Variants in MYO10 observed in about 807,000 individuals in gnomAD.
MYO10 encodes myosin X, also known as unconventional myosin-X.
In MYO10, 133 loss-of-function variants were observed where a neutral mutation model predicts 257.3. The observed-to-expected ratio is 0.52, with a 90% CI of 0.45 to 0.60. MYO10 has a LOEUF of 0.60. Among genes scored for constraint, MYO10 ranks in the 20% least tolerant of loss-of-function variants. The pLI is 0.00. For missense variants in MYO10, 2,399 were observed against 2,635.7 expected, an observed-to-expected ratio of 0.91 and a Z score of 1.97; for synonymous variants, 1,104 against 1,028.6, an observed-to-expected ratio of 1.07 and a Z score of -1.40.
At chr5:16,684,725 G>GTGTA (rs1218151256) in intron 29 of MYO10, among the ~76,000 whole-genome samples, 1 of 151,954 alleles carries the variant, frequency 6.6e-6, no homozygotes, top group Non-Finnish European at 1.5e-5. Flanking sequence ...TTGTAACTTT[G>GTGTA]TGTCTGGGAT....
In MYO10 at chr5:16,701,688, T is replaced by G. The variant is rs367547495; in HGVS notation, c.2707A>C (p.Met903Leu). ...AGCGACAGCTCCTGCTGCTCCTTCA[T>G]GCGCTGCAGGTCCTCGATTTCTTTC... ...LEKEIEDLQR[M>L]KEQQELSLTE... is the part of the protein sequence containing the mutation. Residue 903 changes from methionine to leucine, a missense_variant, in exon 25 of 41, where the codon ATG becomes CTG. Transcript: ENST00000513610. The surrounding 1 kb of genome is among the most constrained non-coding windows in gnomAD (Gnocchi z 8.1). The G allele has an allele frequency of 5.0e-6, 8 of 1,614,002 alleles. No homozygotes were observed. In the South Asian group the frequency reaches 7.7e-5, roughly 16 times the overall value.
chr5:16,699,389 C>A, intron 26 of MYO10, 61 bp downstream of exon 26: 1 of 1,573,666 alleles, frequency 6.4e-7, no homozygotes, highest in Non-Finnish European at 8.6e-7. Flanking sequence ...ATCCATCAGC[C>A]CGGATAAAAT....
chr5:16,745,565 T>C (rs1740169119), intron 19 of MYO10, among the ~76,000 whole-genome samples: 1 of 151,976 alleles, frequency 6.6e-6, no homozygotes, highest in South Asian at 2.1e-4. Context: ...GGTGTATGCC[T>C]GTACTCCCAG....
At chr5:16,738,440 A>G (rs1205676096) in intron 19 of MYO10, 2 of 983,970 alleles carry the variant, frequency 2.0e-6, no homozygotes, top group East Asian at 2.3e-4. Flanking sequence ...CTCTTTTTGG[A>G]AATGTTTAGC....
intron 2 of MYO10, among the ~76,000 whole-genome samples, chr5:16,844,791 G>C (rs747853517): frequency 5.2e-5 from 7 of 135,448 alleles, no homozygotes; most frequent in Non-Finnish European, 9.2e-5. Flanking sequence ...TTTAAATCAA[G>C]ATCTGCAGAA....
intron 3 of MYO10, chr5:16,815,193 ATG>A: frequency 2.3e-6 from 1 of 426,896 alleles, no homozygotes; most frequent in Non-Finnish European, 4.1e-6. Flanking sequence ...TTTTTCTCTA[ATG>A]ACAGCAAAGT....
intron 19 of MYO10, among the ~76,000 whole-genome samples, chr5:16,753,252 C>T (rs181687403): frequency 4.6e-5 from 7 of 152,028 alleles, no homozygotes; most frequent in Non-Finnish European, 8.8e-5. Flanking sequence ...CTGCAAGCTC[C>T]GCCTCCCGGG....
intron 17 of MYO10, 40 bp downstream of exon 17, chr5:16,761,424 T>C: frequency 6.8e-7 from 1 of 1,466,776 alleles, no homozygotes; most frequent in South Asian, 1.1e-5. Context: ...CAAATATTCA[T>C]TTGCTTGCTA....
At chr5:16,718,286 C>T (rs904907724) in intron 19 of MYO10, among the ~76,000 whole-genome samples, 2 of 152,254 alleles carry the variant, frequency 1.3e-5, no homozygotes, top group African/African-American at 2.4e-5. Context: ...AGCACCGCCC[C>T]CTGCTCCACG....
rs542939589 is a variant in MYO10, at chr5:16,782,341, C to T, written c.603-512G>A. ...TTTTAGGCTTTGCAGACCACGGGATCTCGGTTGCAACTACTCAGCTCTGCC... is the reference window on the plus strand; with the variant it reads ...TTTTAGGCTTTGCAGACCACGGGATTTCGGTTGCAACTACTCAGCTCTGCC... On this transcript the variant is annotated intron_variant, in intron 5 of 40. Coordinates refer to ENST00000513610, the MANE Select transcript of MYO10 (RefSeq NM_012334.3). 5.3e-5 allele frequency among the ~76,000 whole-genome samples: 8 copies of T among 152,286 alleles called. 1 individual carries two copies. The South Asian group carries it at 1.7e-3, about 32-fold the overall frequency.
chr5:16,883,344 T>A (rs1476832549), intron 1 of MYO10, among the ~76,000 whole-genome samples: 1 of 152,108 alleles, frequency 6.6e-6, no homozygotes, highest in Non-Finnish European at 1.5e-5. Flanking sequence ...GAGAAACATA[T>A]CAAAACCACC....
At chr5:16,765,817 C>G (rs544738771) in intron 11 of MYO10, among the ~76,000 whole-genome samples, 3 of 152,268 alleles carry the variant, frequency 2.0e-5, no homozygotes, top group Middle Eastern at 3.4e-3. Context: ...GGGTCAAGTT[C>G]AAAGTCAGGC....
chr5:16,722,827 T>C (rs759523487), intron 19 of MYO10, among the ~76,000 whole-genome samples: 1 of 152,306 alleles, frequency 6.6e-6, no homozygotes, highest in African/African-American at 2.4e-5. Flanking sequence ...AAAATAGATG[T>C]GTAGGATTTC....
At chr5:16,669,456 G>A (rs1262921953) in intron 39 of MYO10, among the ~76,000 whole-genome samples, 1 of 152,042 alleles carries the variant, frequency 6.6e-6, no homozygotes, top group Admixed American at 6.6e-5. Context: ...CGCCCGCCTT[G>A]GCCTCCCAAA....
chr5:16,820,282 C>T (rs1321734214), intron 2 of MYO10, among the ~76,000 whole-genome samples: 1 of 152,228 alleles, frequency 6.6e-6, no homozygotes, highest in Non-Finnish European at 1.5e-5. Flanking sequence ...GCCCTGCCTT[C>T]CCCTAGCACG....
At chr5:16,766,051 CG>C (rs1335088184) in intron 11 of MYO10, 28 bp downstream of exon 11, 1 of 1,528,474 alleles carries the variant, frequency 6.5e-7, no homozygotes, top group African/African-American at 1.4e-5. Context: ...TGTCTAGTAA[CG>C]CAAGATCAGA....
chr5:16,681,204 G>GC (rs1473185940), intron 32 of MYO10, 105 bp downstream of exon 32: 2 of 1,230,208 alleles, frequency 1.6e-6, no homozygotes, highest in African/African-American at 1.5e-5. Context: ...CAACTTCTTT[G>GC]GGGGGAAATA....
chr5:16,903,410 A>AAAT (rs1213947456), intron 1 of MYO10, among the ~76,000 whole-genome samples: 9 of 152,052 alleles, frequency 5.9e-5, no homozygotes, highest in South Asian at 2.1e-4. Flanking sequence ...TCCATTTCAA[A>AAAT]AATAATAATA....
intron 29 of MYO10, 129 bp from the exon 30 acceptor site, chr5:16,684,064 A>T: frequency 1.2e-6 from 1 of 808,640 alleles, no homozygotes; most frequent in East Asian, 2.7e-5. Flanking sequence ...TCAAAATAAT[A>T]GTTATCTATG....
Sources: gnomAD v4.1 joint callset for allele counts (sites outside exome capture counted in the v4.1 genomes callset) on GRCh38, gnomAD v4.1.1 for gene constraint, Gnocchi (gnomAD v3.1) non-coding constraint, MANE v1.5 for transcripts, NCBI Gene and HGNC (gene_info 2026-07-23, HGNC 2026-07-21) for gene names.